The following ROBO1 variants were observed in gnomAD, a reference collection of about 807,000 sequenced individuals.
The protein encoded by ROBO1 is roundabout homolog 1.
A neutral mutation model predicts 195.9 loss-of-function variants in ROBO1; 149 were observed. The ratio of observed to expected loss-of-function variants is 0.76; its 90% CI spans 0.67 to 0.87. The LOEUF is 0.87. Among genes scored for constraint, ROBO1 ranks in the 40% least tolerant of loss-of-function variants. The pLI is 0.00. For synonymous variants in ROBO1, 816 were observed against 733.2 expected (o/e 1.11, Z -1.82); for missense variants, 1,933 against 2,068.3 (o/e 0.93, Z 1.27).
At chr3:78,930,699 CA>C (rs2039473453) in intron 4 of ROBO1, among the ~76,000 whole-genome samples, 2 of 152,118 alleles carry the variant, frequency 1.3e-5, no homozygotes, top group African/African-American at 2.4e-5. Flanking sequence ...CTTTGGTCCC[CA>C]AATCTAATCC....
At chr3:79,656,130 C>T (rs1946150787) in intron 1 of ROBO1, among the ~76,000 whole-genome samples, 1 of 151,912 alleles carries the variant, frequency 6.6e-6, no homozygotes, top group Non-Finnish European at 1.5e-5. Flanking sequence ...GTTTTTATAA[C>T]ATGTAGTTAA....
chr3:78,957,506 G>A (rs527283987), intron 3 of ROBO1, among the ~76,000 whole-genome samples: 1 of 152,156 alleles, frequency 6.6e-6, no homozygotes, highest in Non-Finnish European at 1.5e-5. Context: ...AAGCAAATCT[G>A]CAAGTTGTGT....
intron 1 of ROBO1, among the ~76,000 whole-genome samples, chr3:79,681,968 T>A (rs965267505): frequency 3.3e-5 from 5 of 152,026 alleles, no homozygotes; most frequent in Non-Finnish European, 5.9e-5. Flanking sequence ...ATCACTTTCA[T>A]CCTAACATTA....
intron 2 of ROBO1, among the ~76,000 whole-genome samples, chr3:79,494,853 G>T (rs1271829466): frequency 1.3e-5 from 2 of 152,184 alleles, no homozygotes; most frequent in African/African-American, 2.4e-5. Context: ...CACTGAGTCA[G>T]ATATTCTCAA....
intron 4 of ROBO1, among the ~76,000 whole-genome samples, chr3:78,884,730 GAAGGAAGGA>G (rs2036435754): frequency 6.7e-6 from 1 of 149,244 alleles, no homozygotes; most frequent in Admixed American, 6.7e-5. Flanking sequence ...GGAAAGGAAG[GAAGGAAGGA>G]AAGAAAGGAA....
Position 78,938,640 on chromosome 3 carries a change from C to T in ROBO1, c.460G>A (p.Gly154Arg). The part of the protein sequence containing the change: ...VYVCVARNYL[G>R]EAVSHNASLE... ...GATGCATTGTGGCTCACAGCCTCTC[C>T]AAGGTAATTCCTTGCTACACAGACA... Residue 154 changes from glycine to arginine, a missense_variant, in exon 4 of 31, where the codon GGA becomes AGA. By Grantham distance (125) the Gly-to-Arg change is moderately radical. Coordinates refer to ENST00000464233, the MANE Select transcript of ROBO1 (RefSeq NM_002941.4). 6.2e-7 allele frequency: 1 copy of T among 1,613,694 alleles called. No individual in the cohort carries two copies. The highest frequency in any genetic ancestry group is 1.1e-5 in the South Asian group (1 of 91,056).
chr3:79,621,145 C>G (rs184087989), intron 1 of ROBO1, among the ~76,000 whole-genome samples: 1 of 152,116 alleles, frequency 6.6e-6, no homozygotes, highest in Non-Finnish European at 1.5e-5. Context: ...CATCAGTCTC[C>G]GCAACTTACC....
At chr3:79,484,899 G>A (rs533537305) in intron 2 of ROBO1, among the ~76,000 whole-genome samples, 11 of 151,498 alleles carry the variant, frequency 7.3e-5, no homozygotes, top group African/African-American at 2.2e-4. Flanking sequence ...GACTACAGGC[G>A]TGCACCACCA....
At chr3:79,350,980 C>G (rs2109264743) in intron 2 of ROBO1, among the ~76,000 whole-genome samples, 1 of 152,256 alleles carries the variant, frequency 6.6e-6, no homozygotes. Flanking sequence ...CAGTTATGCA[C>G]TGCTGCACCC....
chr3:79,619,707 C>A (rs1398578314), intron 1 of ROBO1, among the ~76,000 whole-genome samples: 1 of 152,100 alleles, frequency 6.6e-6, no homozygotes, highest in African/African-American at 2.4e-5. Flanking sequence ...GGCTCTTTTT[C>A]ATCAAATATA....
At chr3:79,094,048 T>C (rs2079523847) in intron 3 of ROBO1, among the ~76,000 whole-genome samples, 1 of 152,070 alleles carries the variant, frequency 6.6e-6, no homozygotes, top group Admixed American at 6.6e-5. Flanking sequence ...AATTCTCTTT[T>C]CCCTTTGCCA....
chr3:79,663,191 C>A (rs1263210259), intron 1 of ROBO1, among the ~76,000 whole-genome samples: 3 of 151,900 alleles, frequency 2.0e-5, no homozygotes, highest in African/African-American at 4.8e-5. Context: ...GTTTACGAAC[C>A]TTATCACTCT....
intron 10 of ROBO1, among the ~76,000 whole-genome samples, chr3:78,672,289 G>T (rs540750967): frequency 6.6e-6 from 1 of 152,148 alleles, no homozygotes; most frequent in African/African-American, 2.4e-5. Flanking sequence ...AATCAGAGAT[G>T]AAAGATTTGG....
chr3:79,183,547 A>C (rs1399265138), intron 2 of ROBO1, among the ~76,000 whole-genome samples: 2 of 152,240 alleles, frequency 1.3e-5, no homozygotes, highest in Non-Finnish European at 2.9e-5. Context: ...CAAGAAATAG[A>C]TCTGTCTCCT....
intron 4 of ROBO1, among the ~76,000 whole-genome samples, chr3:78,873,468 T>C (rs2035662010): frequency 6.6e-6 from 1 of 152,186 alleles, no homozygotes; most frequent in African/African-American, 2.4e-5. Context: ...AATTTTTTTT[T>C]CCAGAGTGAT....
intron 3 of ROBO1, among the ~76,000 whole-genome samples, chr3:78,967,994 T>G: frequency 6.6e-6 from 1 of 152,168 alleles, no homozygotes; most frequent in East Asian, 1.9e-4. Context: ...GGCAAACAAA[T>G]AAATGTTTTC....
intron 1 of ROBO1, among the ~76,000 whole-genome samples, chr3:79,635,552 G>A (rs545654048): frequency 6.6e-6 from 1 of 152,248 alleles, no homozygotes; most frequent in East Asian, 1.9e-4. Context: ...TATCTATTTT[G>A]AAAAGTGGAG....
intron 1 of ROBO1, among the ~76,000 whole-genome samples, chr3:79,766,490 G>A (rs1704999735): frequency 2.6e-5 from 4 of 151,650 alleles, no homozygotes; most frequent in Admixed American, 2.6e-4. Context: ...GGATTTTAGC[G>A]GCCAGGTGTG....
intron 4 of ROBO1, among the ~76,000 whole-genome samples, chr3:78,934,019 C>G (rs111337284): frequency 0.022 from 3,306 of 151,938 alleles, 46 homozygotes; most frequent in Non-Finnish European, 0.032. Flanking sequence ...AGTATCTTAG[C>G]AAATGTATCT....
Sources: gnomAD v4.1 joint callset for allele counts (sites outside exome capture counted in the v4.1 genomes callset) on GRCh38, gnomAD v4.1.1 for gene constraint, MANE v1.5 for transcripts, NCBI Gene and HGNC (gene_info 2026-07-23, HGNC 2026-07-21) for gene names.